The following RBM26 variants were observed in gnomAD, a reference collection of about 807,000 sequenced individuals.
RBM26 encodes RNA binding motif protein 26.
In RBM26, 30 loss-of-function variants were observed where a neutral mutation model predicts 123.6. The observed-to-expected ratio is 0.24, with a 90% CI of 0.18 to 0.33. RBM26 has a LOEUF of 0.33. RBM26 is among the 10% of genes least tolerant of loss of function. RBM26 has a pLI of 1.00. For missense variants in RBM26, 947 were observed against 1,203.6 expected, an observed-to-expected ratio of 0.79 and a Z score of 3.15; for synonymous variants, 400 against 404.4, an observed-to-expected ratio of 0.99 and a Z score of 0.13.
At chr13:79,386,416 A>AG in intron 1 of RBM26, among the ~76,000 whole-genome samples, 1 of 132,716 alleles carries the variant, frequency 7.5e-6, no homozygotes, top group South Asian at 2.7e-4. Context: ...TCTAAATTAA[A>AG]TAAAAAAAAA....
intron 1 of RBM26, among the ~76,000 whole-genome samples, chr13:79,388,072 C>G (rs750600672): frequency 6.6e-6 from 1 of 152,212 alleles, no homozygotes; most frequent in Non-Finnish European, 1.5e-5. Context: ...TTAAACTAGA[C>G]TAAGAAATAG....
chr13:79,392,810 T>C (rs57821487), intron 1 of RBM26, among the ~76,000 whole-genome samples: 74,516 of 147,834 alleles, frequency 0.5, 19,180 homozygotes, highest in Middle Eastern at 0.6. Context: ...AAAAAAAATC[T>C]GTAAATGAAC....
In RBM26 at chr13:79,373,172, TAA is replaced by T. The variant is rs1241410512; in HGVS notation, c.328-1244_328-1243del. Among the ~76,000 whole-genome samples the T allele has an allele frequency of 1.4e-4, 16 of 110,740 alleles. 2 individuals are homozygous for T. Among genetic ancestry groups the T allele is most frequent in the Non-Finnish European group, 2.5e-4 (15 of 59,608 alleles). 72.6% of individuals were successfully genotyped at this position (110,740 alleles called of 152,430 possible). On this transcript the variant is annotated intron_variant, in intron 3 of 21. Coordinates refer to ENST00000438737, the MANE Select transcript of RBM26 (RefSeq NM_001366735.2). ...ATATTTTATGTATTATATATTTATA[TAA>T]ATTTTTATATAAATATATAAAATAT...
intron 2 of RBM26, 54 bp from the exon 3 acceptor site, chr13:79,377,569 C>T (rs2076751394): frequency 7.6e-7 from 1 of 1,311,222 alleles, no homozygotes; most frequent in Non-Finnish European, 1.1e-6. Flanking sequence ...AGATTAATTC[C>T]CCGCTTCCAC....
intron 1 of RBM26, among the ~76,000 whole-genome samples, chr13:79,393,955 C>G (rs2078327373): frequency 1.3e-5 from 2 of 152,114 alleles, no homozygotes; most frequent in South Asian, 4.1e-4. Context: ...GACTGTTCAC[C>G]TTGGGGGCAA....
rs2067473296 is a variant in RBM26 at position 79,319,813 on chromosome 13, G to A, written c.*808C>T. 1.0e-6 allele frequency: 1 copy of A among 978,530 alleles called. No homozygotes were observed. 60.6% of individuals were successfully genotyped at this position (978,530 alleles called of 1,614,324 possible). A position where few individuals can be genotyped will look rare whatever the true frequency, so the allele number is the denominator to read the frequency against. ...GGGTACCAGTAACCATTATTATTAA[G>A]AATAAGTTAGTGATTATAGCTCCTT... On this transcript the variant is annotated 3_prime_UTR_variant, in exon 22 of 22. Coordinates refer to ENST00000438737, the MANE Select transcript of RBM26 (RefSeq NM_001366735.2).
At chr13:79,355,738 A>G (rs566444892) in intron 11 of RBM26, among the ~76,000 whole-genome samples, 47 of 152,342 alleles carry the variant, frequency 3.1e-4, no homozygotes, top group African/African-American at 1.1e-3. Context: ...GAATCTGAAG[A>G]AGGCAGTAAA....
chr13:79,382,728 A>C (rs2140281236), intron 1 of RBM26, among the ~76,000 whole-genome samples: 1 of 152,292 alleles, frequency 6.6e-6, no homozygotes. Context: ...GGGAAACATA[A>C]ATTATAAACA....
At chr13:79,343,171 T>C (rs1413385408) in intron 16 of RBM26, among the ~76,000 whole-genome samples, 1 of 151,876 alleles carries the variant, frequency 6.6e-6, no homozygotes, top group Non-Finnish European at 1.5e-5. Flanking sequence ...TACTTTCTAA[T>C]CCATTTGTTG....
At chr13:79,374,314 C>G (rs2076448657) in intron 3 of RBM26, among the ~76,000 whole-genome samples, 1 of 151,972 alleles carries the variant, frequency 6.6e-6, no homozygotes, top group African/African-American at 2.4e-5. Context: ...ACTAAAAATA[C>G]AAAAATTAGC....
chr13:79,334,481 C>A, intron 19 of RBM26, 51 bp from the exon 20 acceptor site: 1 of 1,011,242 alleles, frequency 9.9e-7, no homozygotes, highest in Non-Finnish European at 1.5e-6. Flanking sequence ...TTGAAATATC[C>A]AAAAATCCTA....
At chr13:79,382,270 T>C (rs993580783) in intron 1 of RBM26, among the ~76,000 whole-genome samples, 8 of 152,114 alleles carry the variant, frequency 5.3e-5, no homozygotes, top group African/African-American at 9.7e-5. Flanking sequence ...GCTAGCAAGA[T>C]TGTTCGAGGT....
Position 79,406,068 on chromosome 13 carries a change from C to T in RBM26, c.-294G>A, listed in dbSNP as rs919845062. The T allele has an allele frequency of 1.2e-5, 3 of 242,984 alleles. No individual in the cohort carries two copies. Among genetic ancestry groups the T allele is most frequent in the Non-Finnish European group, 2.4e-5 (3 of 126,874 alleles). 15.1% of individuals were successfully genotyped at this position (242,984 alleles called of 1,614,324 possible). A position where few individuals can be genotyped will look rare whatever the true frequency, so the allele number is the denominator to read the frequency against. On this transcript the variant is annotated 5_prime_UTR_variant, in exon 1 of 22. Transcript: ENST00000438737. ...TCTTCCCCAGCAAATCTACCCAGACCGGAAGCGCGACACGCGCTTAGACCC... is the reference window on the plus strand; with the variant it reads ...TCTTCCCCAGCAAATCTACCCAGACTGGAAGCGCGACACGCGCTTAGACCC...
chr13:79,316,332 T>C (rs1274195920), downstream of RBM26, among the ~76,000 whole-genome samples: 3 of 151,592 alleles, frequency 2.0e-5, no homozygotes, highest in Non-Finnish European at 4.4e-5. Context: ...AACATATTGA[T>C]AAAGTTTGCT....
chr13:79,326,572 C>A (rs868691354), intron 20 of RBM26, among the ~76,000 whole-genome samples: 8 of 152,046 alleles, frequency 5.3e-5, no homozygotes, highest in Admixed American at 1.3e-4. Flanking sequence ...TACCAAAGTA[C>A]CAAACTAAAG....
chr13:79,357,883 T>A (rs2074215460), intron 11 of RBM26, among the ~76,000 whole-genome samples: 1 of 178 alleles, frequency 5.6e-3, no homozygotes, highest in South Asian at 0.5. Context: ...GAATAACAAT[T>A]TTTTTTTTTT....
At chr13:79,333,269 A>G (rs973115495) in intron 20 of RBM26, among the ~76,000 whole-genome samples, 1 of 152,228 alleles carries the variant, frequency 6.6e-6, no homozygotes, top group African/African-American at 2.4e-5. Flanking sequence ...CTAGCTTTAA[A>G]AAGAGAACAC....
At chr13:79,373,611 TTTATATA>T (rs1311225424) in intron 3 of RBM26, among the ~76,000 whole-genome samples, 3 of 111,978 alleles carry the variant, frequency 2.7e-5, no homozygotes, top group African/African-American at 7.1e-5. Context: ...ATATAGTATA[TTTATATA>T]TTATATATTA....
chr13:79,328,092 G>C (rs1363966084), intron 20 of RBM26, among the ~76,000 whole-genome samples: 1 of 152,064 alleles, frequency 6.6e-6, no homozygotes, highest in East Asian at 1.9e-4. Flanking sequence ...GTATTATTAT[G>C]TTCATTCTCC....
Sources: gnomAD v4.1 joint callset for allele counts (sites outside exome capture counted in the v4.1 genomes callset) on GRCh38, gnomAD v4.1.1 for gene constraint, MANE v1.5 for transcripts, NCBI Gene and HGNC (gene_info 2026-07-23, HGNC 2026-07-21) for gene names.